The following NIBAN1 variants were observed in gnomAD, a reference collection of about 807,000 sequenced individuals.
The protein encoded by NIBAN1 is protein Niban 1.
A neutral mutation model predicts 75.1 loss-of-function variants in NIBAN1; 81 were observed. That is an observed-to-expected ratio of 1.08 (90% confidence interval 0.90 to 1.30). The LOEUF is 1.30. NIBAN1 is among the 50% of genes most tolerant of loss of function. The probability of loss-of-function intolerance (pLI) is 0.00; values close to 1 mark genes in which losing one functional copy is unlikely to be tolerated. For synonymous variants in NIBAN1, 436 were observed against 424.8 expected (o/e 1.03, Z -0.32); for missense variants, 1,133 against 1,128.1 (o/e 1.00, Z -0.06).
chr1:184,875,944 C>G (rs190822277), intron 5 of NIBAN1, among the ~76,000 whole-genome samples: 5 of 152,004 alleles, frequency 3.3e-5, no homozygotes, highest in Non-Finnish European at 7.4e-5. Context: ...GAGGCCAAGG[C>G]GGGTGGATCA....
chr1:184,804,418 G>A (rs1335130517), intron 11 of NIBAN1, among the ~76,000 whole-genome samples: 1 of 152,200 alleles, frequency 6.6e-6, no homozygotes, highest in Non-Finnish European at 1.5e-5. Flanking sequence ...ATGAATGAAG[G>A]GGGTAGAACT....
At chr1:184,949,579 C>A (rs1021790755) in intron 1 of NIBAN1, among the ~76,000 whole-genome samples, 4 of 152,186 alleles carry the variant, frequency 2.6e-5, no homozygotes, top group Non-Finnish European at 5.9e-5. Flanking sequence ...ACATGGGCTG[C>A]CCCAATCCTT....
At chr1:184,864,243 C>T (rs1262877286) in intron 5 of NIBAN1, among the ~76,000 whole-genome samples, 1 of 152,190 alleles carries the variant, frequency 6.6e-6, no homozygotes, top group Admixed American at 6.5e-5. Flanking sequence ...AGCCTTCACA[C>T]AGTGCTTGGC....
chr1:184,825,815 G>C (rs570788702), intron 6 of NIBAN1, among the ~76,000 whole-genome samples: 2 of 152,300 alleles, frequency 1.3e-5, no homozygotes, highest in South Asian at 4.1e-4. Flanking sequence ...TTACAAAAGG[G>C]GAAGCACAGT....
chr1:184,920,301 G>A (rs1043340619), intron 1 of NIBAN1, among the ~76,000 whole-genome samples: 3 of 152,150 alleles, frequency 2.0e-5, no homozygotes, highest in Non-Finnish European at 4.4e-5. Flanking sequence ...GATACAGAGT[G>A]TGATATTTTG....
At chr1:184,944,751 T>C (rs1215366513) in intron 1 of NIBAN1, among the ~76,000 whole-genome samples, 1 of 152,218 alleles carries the variant, frequency 6.6e-6, no homozygotes, top group African/African-American at 2.4e-5. Context: ...AGAAAACAAC[T>C]GGAAAATGTT....
At chr1:184,805,043 C>T (rs1189372609) in intron 11 of NIBAN1, among the ~76,000 whole-genome samples, 1 of 152,222 alleles carries the variant, frequency 6.6e-6, no homozygotes, top group Non-Finnish European at 1.5e-5. Flanking sequence ...CCGCCTCGGC[C>T]TCCCAAAGTG....
In NIBAN1 at chr1:184,964,461, G is replaced by A. The variant is rs1285782355; in HGVS notation, c.55+9841C>T. On this transcript the variant is annotated intron_variant, in intron 1 of 13. Transcript: ENST00000367511. ...TCGGTTAACAGCAAGGACTTTGGAG[G>A]CAGAAAGTATTTAAGTTCAAACCTT... Among the ~76,000 whole-genome samples the A allele has an allele frequency of 6.6e-5, 10 of 152,198 alleles. No homozygotes were observed. The East Asian group carries it at 1.9e-3, about 29-fold the overall frequency.
At chr1:184,916,672 TAAAG>T (rs1411391069) in intron 1 of NIBAN1, among the ~76,000 whole-genome samples, 1 of 152,054 alleles carries the variant, frequency 6.6e-6, no homozygotes, top group Non-Finnish European at 1.5e-5. Context: ...TATAACAAAA[TAAAG>T]ATATTTTATA....
At chr1:184,825,901 C>A (rs1268390900) in intron 6 of NIBAN1, among the ~76,000 whole-genome samples, 1 of 152,154 alleles carries the variant, frequency 6.6e-6, no homozygotes, top group East Asian at 1.9e-4. Flanking sequence ...TAATATTTGT[C>A]CAAAATAACT....
At chr1:184,796,364 C>A (rs1308886347) in intron 13 of NIBAN1, among the ~76,000 whole-genome samples, 3 of 152,162 alleles carry the variant, frequency 2.0e-5, no homozygotes, top group African/African-American at 7.2e-5. Flanking sequence ...AAACTATAGC[C>A]TTTGTTTTCA....
At chr1:184,886,135 C>T (rs564011271) in intron 4 of NIBAN1, among the ~76,000 whole-genome samples, 2 of 152,292 alleles carry the variant, frequency 1.3e-5, no homozygotes, top group South Asian at 4.1e-4. Context: ...ATTCATCCTT[C>T]AAAAGTCAGT....
At chr1:184,854,021 C>A (rs1655612762) in intron 5 of NIBAN1, among the ~76,000 whole-genome samples, 1 of 152,048 alleles carries the variant, frequency 6.6e-6, no homozygotes, top group Admixed American at 6.5e-5. Context: ...TTTTATTTAA[C>A]CCCAAATATC....
intron 1 of NIBAN1, among the ~76,000 whole-genome samples, chr1:184,909,613 T>C (rs1280064270): frequency 6.6e-6 from 1 of 152,226 alleles, no homozygotes; most frequent in Non-Finnish European, 1.5e-5. Context: ...TTTCTGAAAT[T>C]ATTCACAAGG....
intron 11 of NIBAN1, among the ~76,000 whole-genome samples, chr1:184,804,526 G>A (rs1557870283): frequency 6.6e-6 from 1 of 152,164 alleles, no homozygotes; most frequent in African/African-American, 2.4e-5. Context: ...AAAGTATCCT[G>A]CCAGTGCAGG....
intron 1 of NIBAN1, among the ~76,000 whole-genome samples, chr1:184,906,483 A>AG (rs1657108971): frequency 1.3e-5 from 2 of 151,158 alleles, no homozygotes; most frequent in African/African-American, 4.9e-5. Flanking sequence ...ATACAAAATT[A>AG]GCCAGGCGTG....
intron 5 of NIBAN1, among the ~76,000 whole-genome samples, chr1:184,842,223 G>A (rs1418598043): frequency 6.6e-6 from 1 of 152,202 alleles, no homozygotes; most frequent in Non-Finnish European, 1.5e-5. Flanking sequence ...GGGAACTGAT[G>A]TACTCTACCC....
At chr1:184,940,184 G>A (rs372978224) in intron 1 of NIBAN1, among the ~76,000 whole-genome samples, 1 of 152,114 alleles carries the variant, frequency 6.6e-6, no homozygotes, top group Non-Finnish European at 1.5e-5. Flanking sequence ...AAGGACATTG[G>A]GGGTAACTGG....
At chr1:184,835,600 T>C (rs1193205772) in intron 5 of NIBAN1, among the ~76,000 whole-genome samples, 4 of 152,186 alleles carry the variant, frequency 2.6e-5, no homozygotes, top group Admixed American at 2.6e-4. Context: ...ATTCTCTTTG[T>C]AGCAATTGTG....
Sources: allele counts gnomAD v4.1 joint callset (sites outside exome capture counted in the v4.1 genomes callset), GRCh38; gene constraint gnomAD v4.1.1; transcripts MANE v1.5; gene names NCBI Gene and HGNC (gene_info 2026-07-23, HGNC 2026-07-21).